NCAM2: variants seen among roughly 807,000 people sequenced by gnomAD.
NCAM2 encodes neural cell adhesion molecule 2, also known as N-CAM-2.
In NCAM2, 30 loss-of-function variants were observed where a neutral mutation model predicts 98.1. That is an observed-to-expected ratio of 0.31 (90% confidence interval 0.23 to 0.41). NCAM2 has a LOEUF of 0.41. Ranked by LOEUF, NCAM2 falls within the 10% of genes least tolerant of loss-of-function variation. The pLI is 1.00. For missense variants in NCAM2, 867 were observed against 1,005.8 expected (o/e 0.86, Z 1.87); for synonymous variants, 368 against 342.4 (o/e 1.07, Z -0.83).
intron 14 of NCAM2, among the ~76,000 whole-genome samples, chr21:21,471,940 A>C (rs2146236903): frequency 6.6e-6 from 1 of 152,162 alleles, no homozygotes; most frequent in East Asian, 1.9e-4. Flanking sequence ...TAATGTCTCT[A>C]ACAATAAATC....
At chr21:21,027,409 C>G (rs1450095902) in intron 1 of NCAM2, among the ~76,000 whole-genome samples, 2 of 152,184 alleles carry the variant, frequency 1.3e-5, no homozygotes, top group East Asian at 3.9e-4. Context: ...CTGCCAGGAA[C>G]TATAAGTTTC....
chr21:21,173,708 T>G (rs2068192681), intron 1 of NCAM2, among the ~76,000 whole-genome samples: 1 of 152,146 alleles, frequency 6.6e-6, no homozygotes, highest in African/African-American at 2.4e-5. Context: ...TCCTGAATCA[T>G]CCTACATCTT....
chr21:21,212,887 T>C (rs555022746), intron 1 of NCAM2, among the ~76,000 whole-genome samples: 46 of 151,908 alleles, frequency 3.0e-4, no homozygotes, highest in African/African-American at 9.6e-4. Context: ...GGACTACAGG[T>C]ACCCGACACC....
intron 1 of NCAM2, among the ~76,000 whole-genome samples, chr21:21,146,548 T>G (rs1017400303): frequency 1.4e-4 from 7 of 48,874 alleles, no homozygotes; most frequent in African/African-American, 2.2e-4. Flanking sequence ...ACTTACAGGA[T>G]ATATATATGT....
chr21:21,015,440 C>T (rs2064287976), intron 1 of NCAM2, among the ~76,000 whole-genome samples: 1 of 152,190 alleles, frequency 6.6e-6, no homozygotes, highest in Admixed American at 6.5e-5. Flanking sequence ...CCTCTACCAG[C>T]TAAAGGATTA....
intron 9 of NCAM2, among the ~76,000 whole-genome samples, chr21:21,400,816 T>A (rs2076612848): frequency 6.6e-6 from 1 of 152,138 alleles, no homozygotes; most frequent in South Asian, 2.1e-4. Context: ...ATGAAATAAT[T>A]ATTATCCCAA....
chr21:21,434,931 C>T (rs755125153), intron 12 of NCAM2, among the ~76,000 whole-genome samples: 7 of 152,138 alleles, frequency 4.6e-5, no homozygotes, highest in Non-Finnish European at 1.0e-4. Flanking sequence ...TCGCTGTCAC[C>T]TGCCCTCTGT....
At chr21:21,263,082 A>G (rs1467105019) in intron 1 of NCAM2, among the ~76,000 whole-genome samples, 3 of 152,112 alleles carry the variant, frequency 2.0e-5, no homozygotes, top group South Asian at 2.1e-4. Context: ...TTCTCTGACA[A>G]CATGATCCTA....
chr21:21,177,594 T>G (rs994268254), intron 1 of NCAM2, among the ~76,000 whole-genome samples: 10 of 152,136 alleles, frequency 6.6e-5, no homozygotes, highest in Admixed American at 4.6e-4. Flanking sequence ...GTCAGTAAAG[T>G]GAAAGGAAGC....
intron 8 of NCAM2, among the ~76,000 whole-genome samples, chr21:21,346,712 A>G (rs1417500020): frequency 6.6e-6 from 1 of 152,102 alleles, no homozygotes; most frequent in Non-Finnish European, 1.5e-5. Flanking sequence ...CTAGAAATTA[A>G]TAATGAGGAC....
intron 9 of NCAM2, among the ~76,000 whole-genome samples, chr21:21,394,226 A>C (rs974177627): frequency 6.6e-6 from 1 of 152,152 alleles, no homozygotes; most frequent in African/African-American, 2.4e-5. Flanking sequence ...TGGTACATGG[A>C]CTGAATCCAG....
At chr21:21,165,081 A>G (rs2067907666) in intron 1 of NCAM2, among the ~76,000 whole-genome samples, 1 of 152,156 alleles carries the variant, frequency 6.6e-6, no homozygotes, top group Non-Finnish European at 1.5e-5. Flanking sequence ...AACTCAGAGG[A>G]CTCAGAAAGC....
intron 8 of NCAM2, among the ~76,000 whole-genome samples, chr21:21,351,108 ACT>A (rs1317430587): frequency 1.0e-5 from 1 of 98,710 alleles, no homozygotes; most frequent in Admixed American, 1.3e-4. Context: ...AGAGAGCGAG[ACT>A]CTGTCTCAAA....
At chr21:21,085,798 C>G (rs2065895057) in intron 1 of NCAM2, among the ~76,000 whole-genome samples, 1 of 152,092 alleles carries the variant, frequency 6.6e-6, no homozygotes, top group Admixed American at 6.5e-5. Flanking sequence ...AAATATTATT[C>G]AGCATATTAT....
chr21:21,288,282 C>T (rs1028704361), intron 4 of NCAM2, among the ~76,000 whole-genome samples: 1 of 151,834 alleles, frequency 6.6e-6, no homozygotes, highest in Non-Finnish European at 1.5e-5. Context: ...TATGGGGGGT[C>T]AGCTATACTT....
intron 10 of NCAM2, among the ~76,000 whole-genome samples, chr21:21,417,001 G>C (rs2077007850): frequency 6.6e-6 from 1 of 152,008 alleles, no homozygotes; most frequent in Non-Finnish European, 1.5e-5. Flanking sequence ...TTTATCTGTT[G>C]ATAGCTGAAC....
intron 1 of NCAM2, among the ~76,000 whole-genome samples, chr21:21,156,210 A>G (rs1347704200): frequency 6.6e-6 from 1 of 151,512 alleles, no homozygotes; most frequent in Non-Finnish European, 1.5e-5. Flanking sequence ...GTCTCATTAT[A>G]AAGAATGAAG....
intron 1 of NCAM2, among the ~76,000 whole-genome samples, chr21:21,156,923 C>T (rs1185519776): frequency 6.6e-6 from 1 of 152,134 alleles, no homozygotes; most frequent in African/African-American, 2.4e-5. Flanking sequence ...ACTTTCACCT[C>T]TCTTTTCTCC....
intron 1 of NCAM2, among the ~76,000 whole-genome samples, chr21:21,194,458 T>C (rs570042546): frequency 5.9e-5 from 9 of 152,222 alleles, no homozygotes; most frequent in Non-Finnish European, 7.4e-5. Context: ...AAAACCTAGA[T>C]AAATGGACAC....
Sources: allele counts gnomAD v4.1 joint callset (sites outside exome capture counted in the v4.1 genomes callset), GRCh38; gene constraint gnomAD v4.1.1; transcripts MANE v1.5; gene names NCBI Gene and HGNC (gene_info 2026-07-23, HGNC 2026-07-21).